Variants in ZFP2 observed in about 807,000 individuals in gnomAD.
The protein encoded by ZFP2 is zinc finger protein ZFP2.
ZFP2 carries 33 observed loss-of-function variants against 36.1 expected under a neutral mutation model. The ratio of observed to expected loss-of-function variants is 0.92; its 90% CI spans 0.69 to 1.22. The LOEUF (loss-of-function observed/expected upper bound fraction) is 1.22. ZFP2 is among the 50% of genes most tolerant of loss of function. The pLI is 0.00. For missense variants in ZFP2, 522 were observed against 551.4 expected (o/e 0.95, Z 0.53); for synonymous variants, 170 against 178.0 (o/e 0.96, Z 0.36).
chr5:178,925,126 T>TATATATATAC (rs1176286324), intron 4 of ZFP2, among the ~76,000 whole-genome samples: 14 of 133,590 alleles, frequency 1.0e-4, no homozygotes, highest in South Asian at 6.9e-4. Flanking sequence ...TATATATATA[T>TATATATATAC]ACACACACAC....
chr5:178,928,217 C>A (rs749749767), intron 4 of ZFP2, among the ~76,000 whole-genome samples: 1 of 152,046 alleles, frequency 6.6e-6, no homozygotes, highest in African/African-American at 2.4e-5. Flanking sequence ...CAAATGAAAT[C>A]ATATCATTCT....
chr5:178,931,969 G>A lies in ZFP2; in HGVS notation c.656G>A (p.Cys219Tyr). The change falls in exon 5 of 5, where the codon TGT (cysteine) becomes TAT (tyrosine). Residue 219 changes from cysteine to tyrosine, a missense_variant. By Grantham distance (194) the Cys-to-Tyr change is radical. Coordinates refer to ENST00000361362, the MANE Select transcript of ZFP2 (RefSeq NM_030613.4). The part of the protein sequence containing the change: ...TGEKPYKCNE[C>Y]GKAFTQSMNL... ...GAGAAACCCTACAAATGTAATGAAT[G>A]TGGTAAAGCTTTTACCCAAAGCATG... 2 of 1,613,974 alleles carry A rather than the reference G, an allele frequency of 1.2e-6. No individual in the cohort carries two copies. The highest frequency in any genetic ancestry group is 1.7e-6 in the Non-Finnish European group (2 of 1,179,926).
chr5:178,908,886 T>C (rs1758229365), intron 1 of ZFP2, among the ~76,000 whole-genome samples: 1 of 152,296 alleles, frequency 6.6e-6, no homozygotes, highest in Non-Finnish European at 1.5e-5. Context: ...GGCTTGCATG[T>C]CTGACATAGT....
rs568813522 is a variant in ZFP2 at position 178,926,263 on chromosome 5, T to C, written c.-77-4974T>C. ...TTTTCTTCTCATTCTCTGTTTTAATTATTTTTAAAATTTATTTCCTGAACT... is the reference window on the plus strand; with the variant it reads ...TTTTCTTCTCATTCTCTGTTTTAATCATTTTTAAAATTTATTTCCTGAACT... On this transcript the variant is annotated intron_variant, in intron 4 of 4. Transcript: ENST00000361362. 1.4e-4 allele frequency among the ~76,000 whole-genome samples: 21 copies of C among 152,338 alleles called. 1 individual carries two copies. In the South Asian group the frequency reaches 4.3e-3, roughly 32 times the overall value.
In ZFP2 at chr5:178,932,286, C is replaced by T; in HGVS notation, c.973C>T (p.Pro325Ser). 1.2e-6 allele frequency: 2 copies of T among 1,614,156 alleles called. No homozygotes were observed. Among genetic ancestry groups the T allele is most frequent in the East Asian group, 2.2e-5 (1 of 44,874 alleles). ...EHQRLHSGVKPFECNECGKAF... is the reference protein window; with the variant it reads ...EHQRLHSGVKSFECNECGKAF... ...TCAGAGACTTCATTCTGGAGTAAAA[C>T]CTTTTGAATGTAACGAGTGTGGAAA... Residue 325 changes from proline (P) to serine (S), a missense_variant, in exon 5 of 5, where the codon CCT becomes TCT. Transcript: ENST00000361362.
chr5:178,910,366 C>T, intron 1 of ZFP2: 2 of 1,049,510 alleles, frequency 1.9e-6, no homozygotes, highest in Non-Finnish European at 3.0e-6. Flanking sequence ...AAGGAAGACT[C>T]CTCGGCACTG....
rs758372785 is a variant in ZFP2, at chr5:178,931,284, A to G, written c.-30A>G. 2 of 1,544,004 alleles carry G rather than the reference A, an allele frequency of 1.3e-6. No homozygotes were observed. The highest frequency in any genetic ancestry group is 4.5e-5 in the East Asian group (2 of 44,238). On this transcript the variant is annotated 5_prime_UTR_variant, in exon 5 of 5. Transcript: ENST00000361362. ...CAAAGAGCCAACTCCGAAGCCGGGT[A>G]TTACTGAAGATTTATGCCATGGGGT...
chr5:178,931,952 C>G lies in ZFP2; in HGVS notation c.639C>G (p.Pro213=). 1 of 1,613,714 alleles carries G rather than the reference C, an allele frequency of 6.2e-7. No homozygotes were observed. The highest frequency in any genetic ancestry group is 8.5e-7 in the Non-Finnish European group (1 of 1,179,900). The change falls in exon 5 of 5, where the codon CCC becomes CCG. Residue 213 remains proline (P), a synonymous_variant. Coordinates refer to ENST00000361362, the MANE Select transcript of ZFP2 (RefSeq NM_030613.4). ...AAAGGATTCATACTGGAGAGAAACC[C>G]TACAAATGTAATGAATGTGGTAAAG... is the stretch of plus-strand genomic sequence containing the variant. ...QHERIHTGEK[P]YKCNECGKAF...
chr5:178,927,252 A>G (rs1359013130), intron 4 of ZFP2, among the ~76,000 whole-genome samples: 1 of 152,134 alleles, frequency 6.6e-6, no homozygotes, highest in East Asian at 1.9e-4. Flanking sequence ...GTATTTAGGA[A>G]ATGGTAGTAT....
At position 178,930,314 on chromosome 5, in the gene ZFP2, C is replaced by CTTTT. The variant is rs990713790; in HGVS notation, c.-77-902_-77-899dup. ...ATTTCTTTCTTTTTTTTTCCCTTTC[C>CTTTT]TTTTTTTTTTTTTTTTTTTTTTTTG... On this transcript the variant is annotated intron_variant, in intron 4 of 4. Coordinates refer to ENST00000361362, the MANE Select transcript of ZFP2 (RefSeq NM_030613.4). Among the ~76,000 whole-genome samples, 128 of 71,372 alleles carry CTTTT rather than the reference C, an allele frequency of 1.8e-3. 2 individuals are homozygous for CTTTT. The highest frequency in any genetic ancestry group is 2.2e-3 in the Non-Finnish European group (90 of 40,632). 46.8% of individuals were successfully genotyped at this position (71,372 alleles called of 152,430 possible).
At chr5:178,913,662 T>C (rs1218905915) in intron 3 of ZFP2, among the ~76,000 whole-genome samples, 1 of 152,166 alleles carries the variant, frequency 6.6e-6, no homozygotes, top group Non-Finnish European at 1.5e-5. Flanking sequence ...TAATCTGCAT[T>C]ACTACCCATT....
rs201029360 is a variant in ZFP2 at position 178,905,966 on chromosome 5, G to T, written c.-449-6618G>T. 5.3e-5 allele frequency among the ~76,000 whole-genome samples: 8 copies of T among 152,088 alleles called. No individual in the cohort carries two copies. In the East Asian group the frequency reaches 1.5e-3, roughly 29 times the overall value. On this transcript the variant is annotated intron_variant, in intron 1 of 4. Coordinates refer to ENST00000361362, the MANE Select transcript of ZFP2 (RefSeq NM_030613.4). ...AAGGTTTCGTCATGTTACCCAGGCT[G>T]GTCTCGAACCCCTGAGCTCAAGCCA...
chr5:178,925,126 T>TAC (rs70997651), intron 4 of ZFP2, among the ~76,000 whole-genome samples: 30 of 133,590 alleles, frequency 2.2e-4, no homozygotes, highest in East Asian at 1.0e-3. Flanking sequence ...TATATATATA[T>TAC]ACACACACAC....
chr5:178,906,488 G>A (rs568351984), intron 1 of ZFP2, among the ~76,000 whole-genome samples: 1 of 152,104 alleles, frequency 6.6e-6, no homozygotes, highest in African/African-American at 2.4e-5. Context: ...TTTGGTTTCT[G>A]TTTTACGTAT....
intron 3 of ZFP2, among the ~76,000 whole-genome samples, chr5:178,914,327 A>G (rs1264399186): frequency 6.6e-6 from 1 of 152,168 alleles, no homozygotes; most frequent in Non-Finnish European, 1.5e-5. Flanking sequence ...AAGTTTTTTT[A>G]AAGAATGGGA....
At position 178,932,571 on chromosome 5, in the gene ZFP2, A is replaced by G. The variant is rs766251937; in HGVS notation, c.1258A>G (p.Ile420Val). 7.4e-6 allele frequency: 12 copies of G among 1,614,078 alleles called. No homozygotes were observed. Among genetic ancestry groups the G allele is most frequent in the Non-Finnish European group, 1.0e-5 (12 of 1,180,052 alleles). ...ATGTGATCAGTGTGGAAAAGCCTTC[A>G]TTAAGAATTCATCCCTTACAGTGCA... ...YECDQCGKAF[I>V]KNSSLTVHQR... The change falls in exon 5 of 5, where the codon ATT (isoleucine) becomes GTT (valine). Residue 420 changes from isoleucine (I) to valine (V), a missense_variant. Physicochemically the swap from Ile to Val is conservative, Grantham distance 29. Coordinates refer to ENST00000361362, the MANE Select transcript of ZFP2 (RefSeq NM_030613.4).
chr5:178,919,198 G>A (rs1193966612), intron 4 of ZFP2, among the ~76,000 whole-genome samples: 1 of 152,136 alleles, frequency 6.6e-6, no homozygotes, highest in African/African-American at 2.4e-5. Context: ...AAGGATACCA[G>A]TTGAATACTT....
chr5:178,920,161 A>G (rs1758525227), intron 4 of ZFP2, among the ~76,000 whole-genome samples: 1 of 152,088 alleles, frequency 6.6e-6, no homozygotes, highest in Non-Finnish European at 1.5e-5. Flanking sequence ...TTGTTGTCCC[A>G]TACATCCCTG....
chr5:178,922,499 G>T, intron 4 of ZFP2: 1 of 1,374,642 alleles, frequency 7.3e-7, no homozygotes, highest in Non-Finnish European at 1.0e-6. Context: ...CAGTAGAAAT[G>T]GAGTTACATC....
Sources: allele counts gnomAD v4.1 joint callset (sites outside exome capture counted in the v4.1 genomes callset), GRCh38; gene constraint gnomAD v4.1.1; transcripts MANE v1.5; gene names NCBI Gene and HGNC (gene_info 2026-07-23, HGNC 2026-07-21).